EXOC4: variants seen among roughly 807,000 people sequenced by gnomAD.
EXOC4 encodes exocyst complex component 4, also known as SEC8-like 1.
A neutral mutation model predicts 107.2 loss-of-function variants in EXOC4; 71 were observed. The ratio of observed to expected loss-of-function variants is 0.66; its 90% CI spans 0.55 to 0.81. The LOEUF is 0.81. Ranked by LOEUF, EXOC4 falls within the 30% of genes least tolerant of loss-of-function variation. The probability of loss-of-function intolerance (pLI) is 0.00; values close to 1 mark genes in which losing one functional copy is unlikely to be tolerated. For missense variants in EXOC4, 1,108 were observed against 1,189.6 expected, an observed-to-expected ratio of 0.93 and a Z score of 1.01; for synonymous variants, 456 against 441.2, an observed-to-expected ratio of 1.03 and a Z score of -0.42.
intron 9 of EXOC4, among the ~76,000 whole-genome samples, chr7:133,515,132 T>G (rs1429866235): frequency 6.6e-6 from 1 of 152,164 alleles, no homozygotes. Flanking sequence ...ATGTGGAATA[T>G]GGATTTACTT....
chr7:133,274,526 C>G (rs1793944441), intron 1 of EXOC4, among the ~76,000 whole-genome samples: 1 of 152,194 alleles, frequency 6.6e-6, no homozygotes, highest in Admixed American at 6.5e-5. Flanking sequence ...GCTGAAGTGT[C>G]TTAAGTATCT....
intron 9 of EXOC4, among the ~76,000 whole-genome samples, chr7:133,620,001 T>C (rs988450833): frequency 4.6e-5 from 7 of 151,242 alleles, no homozygotes; most frequent in African/African-American, 1.7e-4. Flanking sequence ...TGTGTGTGTG[T>C]GTGTGTGTTT....
chr7:133,656,897 G>A (rs926993805), intron 10 of EXOC4, among the ~76,000 whole-genome samples: 8 of 152,280 alleles, frequency 5.3e-5, no homozygotes, highest in East Asian at 1.9e-4. Context: ...CTTGAAATGA[G>A]AGTAATTCAG....
intron 14 of EXOC4, among the ~76,000 whole-genome samples, chr7:133,990,490 C>A (rs993983451): frequency 4.6e-5 from 7 of 152,088 alleles, no homozygotes; most frequent in African/African-American, 1.7e-4. Context: ...CACTCTGTAG[C>A]CCAGGCTGGA....
intron 7 of EXOC4, among the ~76,000 whole-genome samples, chr7:133,427,183 G>T (rs1274266243): frequency 2.6e-5 from 4 of 152,036 alleles, no homozygotes; most frequent in South Asian, 2.1e-4. Flanking sequence ...TAAGCTAGGG[G>T]ATGAGTGTGG....
intron 7 of EXOC4, among the ~76,000 whole-genome samples, chr7:133,463,881 T>C (rs1010780242): frequency 2.6e-5 from 4 of 152,206 alleles, no homozygotes; most frequent in African/African-American, 4.8e-5. Flanking sequence ...TTCACTCACT[T>C]ACACTTATAA....
At chr7:133,514,895 A>G (rs771719627) in intron 9 of EXOC4, among the ~76,000 whole-genome samples, 5 of 152,158 alleles carry the variant, frequency 3.3e-5, no homozygotes, top group Non-Finnish European at 7.3e-5. Context: ...ATATCATTTC[A>G]TATAAGGGCA....
At chr7:133,389,649 C>G (rs1338516218) in intron 7 of EXOC4, among the ~76,000 whole-genome samples, 1 of 147,552 alleles carries the variant, frequency 6.8e-6, no homozygotes, top group African/African-American at 2.5e-5. Flanking sequence ...GAGTTGGGGT[C>G]AGGAAGATGG....
At chr7:133,530,114 G>A (rs753390713) in intron 9 of EXOC4, among the ~76,000 whole-genome samples, 2 of 152,184 alleles carry the variant, frequency 1.3e-5, no homozygotes, top group African/African-American at 2.4e-5. Context: ...TCTGATTCCA[G>A]AGCTCAGGCT....
intron 1 of EXOC4, among the ~76,000 whole-genome samples, chr7:133,270,924 T>A (rs2150519330): frequency 6.6e-6 from 1 of 151,244 alleles, no homozygotes; most frequent in African/African-American, 2.4e-5. Context: ...GCTTTGCTTT[T>A]TTTTTTTTTT....
rs376302264 is a variant in EXOC4 at position 133,788,910 on chromosome 7, TCACCATATAATA to T, written c.1515-28412_1515-28401del. Reference sequence around the variant, plus strand: ...CTAGATGGCAAGATCTTCAGCTCGTTCACCATATAATACATGAAATACATGTATTCTCATAAA... The same window carrying T: ...CTAGATGGCAAGATCTTCAGCTCGTTCATGAAATACATGTATTCTCATAAA... On this transcript the variant is annotated intron_variant, in intron 10 of 17. Coordinates refer to ENST00000253861, the MANE Select transcript of EXOC4 (RefSeq NM_021807.4). 5.8e-3 allele frequency among the ~76,000 whole-genome samples: 879 copies of T among 152,288 alleles called. 9 individuals are homozygous for T. Among genetic ancestry groups the T allele is most frequent in the African/African-American group, 0.02 (840 of 41,554 alleles).
intron 10 of EXOC4, among the ~76,000 whole-genome samples, chr7:133,775,720 C>T (rs982677515): frequency 1.3e-5 from 2 of 152,128 alleles, no homozygotes; most frequent in Admixed American, 6.5e-5. Context: ...GTGGGGCATC[C>T]GTAAGCCTTT....
intron 9 of EXOC4, among the ~76,000 whole-genome samples, chr7:133,573,959 T>A (rs1402891270): frequency 6.6e-6 from 1 of 152,238 alleles, no homozygotes; most frequent in East Asian, 1.9e-4. Flanking sequence ...TTGTGAAATC[T>A]TAAAATACCT....
At chr7:133,755,253 T>TA (rs1491279925) in intron 10 of EXOC4, among the ~76,000 whole-genome samples, 10 of 99,996 alleles carry the variant, frequency 1.0e-4, no homozygotes, top group African/African-American at 1.4e-4. Context: ...AATATATATA[T>TA]TATATATATA....
intron 7 of EXOC4, among the ~76,000 whole-genome samples, chr7:133,389,062 G>A (rs1796793099): frequency 1.3e-5 from 2 of 152,152 alleles, no homozygotes; most frequent in Non-Finnish European, 2.9e-5. Flanking sequence ...GAGGAGTAAA[G>A]TAGTGAAAGT....
intron 9 of EXOC4, among the ~76,000 whole-genome samples, chr7:133,626,795 C>T (rs1240338796): frequency 6.6e-6 from 1 of 152,124 alleles, no homozygotes; most frequent in Non-Finnish European, 1.5e-5. Context: ...GGTATTGTAG[C>T]TTATCTTTTG....
At chr7:133,740,452 A>G (rs1795540690) in intron 10 of EXOC4, among the ~76,000 whole-genome samples, 1 of 152,184 alleles carries the variant, frequency 6.6e-6, no homozygotes. Context: ...AATGTAGTCC[A>G]TCTTCATTTA....
intron 9 of EXOC4, among the ~76,000 whole-genome samples, chr7:133,605,555 C>T (rs6965882): frequency 0.34 from 51,441 of 151,936 alleles, 9,065 homozygotes; most frequent in African/African-American, 0.43. Flanking sequence ...TAAGGCTTAT[C>T]CATGGTATAG....
At chr7:133,388,416 G>A (rs1052712539) in intron 7 of EXOC4, among the ~76,000 whole-genome samples, 1 of 152,046 alleles carries the variant, frequency 6.6e-6, no homozygotes, top group Non-Finnish European at 1.5e-5. Context: ...TTGGGAGGCC[G>A]GGGTGGGCAG....
Sources: gnomAD v4.1 joint callset for allele counts (sites outside exome capture counted in the v4.1 genomes callset) on GRCh38, gnomAD v4.1.1 for gene constraint, MANE v1.5 for transcripts, NCBI Gene and HGNC (gene_info 2026-07-23, HGNC 2026-07-21) for gene names.